CLK3: variants seen among roughly 807,000 people sequenced by gnomAD.
CLK3 encodes the protein dual specificity protein kinase CLK3.
Under a neutral mutation model 65.2 loss-of-function variants are expected in CLK3, and 24 were observed. The observed-to-expected ratio is 0.37, with a 90% confidence interval of 0.27 to 0.52. The LOEUF (loss-of-function observed/expected upper bound fraction) is 0.52, where lower values mean the gene tolerates loss of function less well. Among genes scored for constraint, CLK3 ranks in the 20% least tolerant of loss-of-function variants. The pLI is 0.92. For synonymous variants in CLK3, 252 were observed against 240.8 expected, an observed-to-expected ratio of 1.05 and a Z score of -0.43; for missense variants, 506 against 660.0, an observed-to-expected ratio of 0.77 and a Z score of 2.56.
intron 2 of CLK3, 127 bp from the exon 3 acceptor site, chr15:74,619,882 C>G: frequency 6.8e-7 from 1 of 1,476,178 alleles, no homozygotes; most frequent in Non-Finnish European, 9.1e-7. Context: ...TGCCCACTTC[C>G]CACCAGTGTG....
Position 74,622,314 on chromosome 15 carries a change from C to T in CLK3, c.466+98C>T. On this transcript the variant is annotated intron_variant, in intron 4 of 12. Transcript: ENST00000395066. The surrounding 1 kb of genome is among the most constrained non-coding windows in gnomAD (Gnocchi z 4.6). ...GGAGGGGCCTCTAGTGCGCGTGGTG[C>T]CTTAGCGGGGCCACCAGTAATTGCC... 8.2e-7 allele frequency: 1 copy of T among 1,220,802 alleles called. No individual in the cohort carries two copies. Among genetic ancestry groups the T allele is most frequent in the African/African-American group, 1.5e-5 (1 of 66,804 alleles). The allele number at this position is 1,220,802 out of a possible 1,614,324, so 75.6% of individuals were successfully genotyped here.
intron 6 of CLK3, 101 bp from the exon 7 acceptor site, chr15:74,625,701 C>T (rs1345334265): frequency 3.2e-6 from 4 of 1,247,526 alleles, no homozygotes; most frequent in Non-Finnish European, 4.6e-6. Context: ...GGTGTGTGAC[C>T]CGGTGGCCTA....
chr15:74,615,573 C>A, upstream of CLK3: 1 of 1,265,792 alleles, frequency 7.9e-7, no homozygotes, highest in Non-Finnish European at 1.0e-6. Context: ...AGAGCCCAGC[C>A]GGCCCGGGCC....
intron 1 of CLK3, among the ~76,000 whole-genome samples, chr15:74,618,203 C>A (rs2062075203): frequency 6.6e-6 from 1 of 152,188 alleles, no homozygotes; most frequent in Non-Finnish European, 1.5e-5. Context: ...GGGAAGAAGG[C>A]TGGCTCCATG....
chr15:74,619,276 G>C lies in CLK3; in HGVS notation c.80G>C (p.Ser27Thr). The change falls in exon 2 of 13, where the codon AGT becomes ACT. Residue 27 changes from serine to threonine, a missense_variant. Around this residue, in one of 2 missense-constraint regions of CLK3, gnomAD observed 181 missense variants for 159.4 expected, o/e 1.14. Transcript: ENST00000395066. ...SYRWKRRRSY[S>T]REHEGRLRYP... The stretch of plus-strand genomic sequence containing the variant: ...CGATGGAAGAGGAGGAGGTCCTACA[G>C]TCGGGAACATGAAGGGAGACTGCGA... The C allele has an allele frequency of 6.2e-7, 1 of 1,614,204 alleles. No individual in the cohort carries two copies. Among genetic ancestry groups the C allele is most frequent in the Non-Finnish European group, 8.5e-7 (1 of 1,180,022 alleles).
chr15:74,616,052 C>G (rs1293318510), intron 1 of CLK3, 154 bp downstream of exon 1: 1 of 549,350 alleles, frequency 1.8e-6, no homozygotes, highest in Admixed American at 4.4e-5. Context: ...ACCCCTGACC[C>G]GCTGCTTCTG....
At chr15:74,619,011 T>C (rs2062080866) in intron 1 of CLK3, 186 bp from the exon 2 acceptor site, 1 of 639,526 alleles carries the variant, frequency 1.6e-6, no homozygotes, top group Non-Finnish European at 2.7e-6. Flanking sequence ...AGAAAGTTGT[T>C]TCCTATTGTC....
intron 1 of CLK3, chr15:74,608,657 A>C (rs1483934432): frequency 6.6e-6 from 1 of 152,304 alleles, no homozygotes; most frequent in Non-Finnish European, 1.5e-5. Context: ...GGGCTTGGCC[A>C]TATGTAGGCG....
At chr15:74,629,615 C>T in intron 12 of CLK3, 92 bp from the exon 13 acceptor site, 2 of 1,090,292 alleles carry the variant, frequency 1.8e-6, no homozygotes, top group Non-Finnish European at 1.4e-6. Context: ...CCTCCTCGAT[C>T]CAGTCCAGCA....
At chr15:74,626,050 T>C in intron 7 of CLK3, 82 bp downstream of exon 7, 1 of 1,467,372 alleles carries the variant, frequency 6.8e-7, no homozygotes, top group Non-Finnish European at 9.4e-7. Context: ...CCCCATTCAT[T>C]CCAGCACGTT....
intron 1 of CLK3, among the ~76,000 whole-genome samples, chr15:74,610,819 A>C (rs1427124775): frequency 2.6e-5 from 4 of 152,232 alleles, no homozygotes; most frequent in African/African-American, 9.6e-5. Flanking sequence ...GGTAGGGAGC[A>C]GTGGCTCCAG....
intron 1 of CLK3, among the ~76,000 whole-genome samples, chr15:74,609,784 C>T (rs1026006006): frequency 1.3e-5 from 2 of 152,248 alleles, no homozygotes; most frequent in Admixed American, 1.3e-4. Context: ...GGTCCAGAAT[C>T]CTGGGGTCTC....
rs1479605112 is a variant in CLK3 at position 74,627,469 on chromosome 15, G to C, written c.912+23G>C. On this transcript the variant is annotated intron_variant, in intron 8 of 12. Transcript: ENST00000395066. The surrounding 1 kb of genome is among the most constrained non-coding windows in gnomAD (Gnocchi z 4.3). ...AAGGTATTGGTGGGGGTAAGGGTGAGGCCCTGTTTCAGGGGTGGGTTACCC... is the reference window on the plus strand; with the variant it reads ...AAGGTATTGGTGGGGGTAAGGGTGACGCCCTGTTTCAGGGGTGGGTTACCC... 6.2e-7 allele frequency: 1 copy of C among 1,614,150 alleles called. No individual in the cohort carries two copies.
chr15:74,625,588 G>A (rs952084221), intron 6 of CLK3, among the ~76,000 whole-genome samples: 1 of 152,168 alleles, frequency 6.6e-6, no homozygotes, highest in Admixed American at 6.5e-5. Flanking sequence ...CCCCCCGCAG[G>A]AAGCTTAGTC....
chr15:74,628,201 TG>T (rs2062159225), intron 10 of CLK3, 149 bp downstream of exon 10: 1 of 659,628 alleles, frequency 1.5e-6, no homozygotes, highest in Admixed American at 2.3e-5. Flanking sequence ...CCTTTAAGGA[TG>T]TAGATGCTAA....
At chr15:74,615,318 G>A, upstream of CLK3, 2 of 828,670 alleles carry the variant, frequency 2.4e-6, no homozygotes, top group South Asian at 6.1e-5. Flanking sequence ...CGCCACCACG[G>A]CTTTCAAAAA....
chr15:74,627,917 A>G lies in CLK3; in HGVS notation c.1043-53A>G. 6.9e-7 allele frequency: 1 copy of G among 1,439,120 alleles called. No homozygotes were observed. The highest frequency in any genetic ancestry group is 1.1e-5 in the South Asian group (1 of 87,434). The allele number at this position is 1,439,120 out of a possible 1,614,324, so 89.1% of individuals were successfully genotyped here. A position where few individuals can be genotyped will look rare whatever the true frequency, so the allele number is the denominator to read the frequency against. ...GTGTGGTGGCTGCCTTGTGACTTCCAGGCTGGAAGCATAAGGCCGGATCTC... is the reference window on the plus strand; with the variant it reads ...GTGTGGTGGCTGCCTTGTGACTTCCGGGCTGGAAGCATAAGGCCGGATCTC... On this transcript the variant is annotated intron_variant, in intron 9 of 12. Transcript: ENST00000395066. This position sits in a 1 kb window ranked among gnomAD's most constrained non-coding sequence, Gnocchi z 4.3.
chr15:74,610,965 A>T (rs2061982054), upstream of CLK3, among the ~76,000 whole-genome samples: 1 of 152,064 alleles, frequency 6.6e-6, no homozygotes, highest in Non-Finnish European at 1.5e-5. Flanking sequence ...TTGCACAGCC[A>T]TCTCCCCCTC....
Position 74,628,981 on chromosome 15 carries a change from T to C in CLK3, c.1245T>C (p.Asp415=). The C allele has an allele frequency of 6.2e-7, 1 of 1,614,022 alleles. No homozygotes were observed. Among genetic ancestry groups the C allele is most frequent in the Non-Finnish European group, 8.5e-7 (1 of 1,179,924 alleles). ...TCTACAAAGGGGGCCTAGTTTGGGATGAGAACAGCTCTGACGGCCGGTATG... is the reference window on the plus strand; with the variant it reads ...TCTACAAAGGGGGCCTAGTTTGGGACGAGAACAGCTCTGACGGCCGGTATG... ...KYFYKGGLVW[D]ENSSDGRYVK... Residue 415 remains aspartate, a synonymous_variant, in exon 12 of 13, where the codon GAT becomes GAC. Transcript: ENST00000395066.
Sources: allele counts gnomAD v4.1 joint callset (sites outside exome capture counted in the v4.1 genomes callset), GRCh38; gene constraint gnomAD v4.1.1; regional missense constraint gnomAD v4.1.1; non-coding constraint Gnocchi (gnomAD v3.1); transcripts MANE v1.5; gene names NCBI Gene and HGNC (gene_info 2026-07-23, HGNC 2026-07-21).